The following NFE2L1 variants were observed in gnomAD, a reference collection of about 807,000 sequenced individuals.
NFE2L1 encodes endoplasmic reticulum membrane sensor NFE2L1.
In NFE2L1, 18 loss-of-function variants were observed where a neutral mutation model predicts 61.6. That is an observed-to-expected ratio of 0.29 (90% CI 0.20 to 0.43). The LOEUF is 0.43. NFE2L1 is among the 20% of genes least tolerant of loss of function. The pLI, the probability that NFE2L1 is intolerant of heterozygous loss-of-function variation, is 1.00. For missense variants in NFE2L1, 827 were observed against 973.5 expected (o/e 0.85, Z 2.00); for synonymous variants, 419 against 402.7 (o/e 1.04, Z -0.48).
At chr17:48,049,912 G>A (rs2037204391) in intron 1 of NFE2L1, among the ~76,000 whole-genome samples, 1 of 152,190 alleles carries the variant, frequency 6.6e-6, no homozygotes, top group Admixed American at 6.5e-5. Flanking sequence ...TTTTAAGACA[G>A]GAAATGGGCT....
rs774465549 is a variant in NFE2L1 at position 48,057,522 on chromosome 17, G to A, written c.972+20G>A. On this transcript the variant is annotated intron_variant, in intron 5 of 5. Coordinates refer to ENST00000362042, the MANE Select transcript of NFE2L1 (RefSeq NM_003204.3). ...ATGCAGGTAGGATTGTCGGAACCGG[G>A]CACAAACCTATTGGATTTTGCACAG... The A allele has an allele frequency of 3.7e-6, 6 of 1,603,900 alleles. No homozygotes were observed. The highest frequency in any genetic ancestry group is 5.1e-6 in the Non-Finnish European group (6 of 1,175,436).
chr17:48,058,865 T>A lies in NFE2L1; in HGVS notation c.1543T>A (p.Ser515Thr). ...TTCTTCCTCTGCTTCTTCCTCTGCCTCTTCCTCCTTTTCTGAGGAAGGTGC... is the reference window on the plus strand; with the variant it reads ...TTCTTCCTCTGCTTCTTCCTCTGCCACTTCCTCCTTTTCTGAGGAAGGTGC... ...SSSSSASSSA[S>T]SSFSEEGAVG... The change falls in exon 6 of 6, where the codon TCT (serine) becomes ACT (threonine). Residue 515 changes from serine to threonine, a missense_variant. Coordinates refer to ENST00000362042, the MANE Select transcript of NFE2L1 (RefSeq NM_003204.3). 6.2e-7 allele frequency: 1 copy of A among 1,613,816 alleles called. No individual in the cohort carries two copies. The highest frequency in any genetic ancestry group is 8.5e-7 in the Non-Finnish European group (1 of 1,180,012).
At chr17:48,050,189 G>A (rs745871637) in intron 1 of NFE2L1, among the ~76,000 whole-genome samples, 7 of 152,114 alleles carry the variant, frequency 4.6e-5, no homozygotes, top group Non-Finnish European at 7.4e-5. Flanking sequence ...CTGTAAAAGT[G>A]GCCTTTAGGC....
rs1192084871 is a variant in NFE2L1 at position 48,059,499 on chromosome 17, G to A, written c.2177G>A (p.Arg726Gln). The A allele has an allele frequency of 8.7e-6, 14 of 1,613,952 alleles. 1 individual carries two copies. Among genetic ancestry groups the A allele is most frequent in the South Asian group, 5.5e-5 (5 of 91,086 alleles). The part of the protein sequence containing the change: ...SLYQEVFGRL[R>Q]DENGRPYSPS... ...TACCAGGAGGTGTTTGGGCGGCTGC[G>A]AGATGAGAACGGACGACCCTACTCG... is the stretch of plus-strand genomic sequence containing the variant. The change falls in exon 6 of 6, where the codon CGA becomes CAA. Residue 726 changes from arginine (R) to glutamine (Q), a missense_variant. By Grantham distance (43) the Arg-to-Gln change is conservative (BLOSUM62 1). This residue lies in a region of NFE2L1 where 86 missense variants were observed against 97.3 expected (regional missense o/e 0.88). Transcript: ENST00000362042. The surrounding 1 kb of genome is among the most constrained non-coding windows in gnomAD (Gnocchi z 6.1).
Position 48,059,778 on chromosome 17 carries a change from G to A in NFE2L1, c.*137G>A. 1 of 1,320,350 alleles carries A rather than the reference G, an allele frequency of 7.6e-7. No homozygotes were observed. Among genetic ancestry groups the A allele is most frequent in the Non-Finnish European group, 1.0e-6 (1 of 996,062 alleles). The allele number at this position is 1,320,350 out of a possible 1,614,324, so 81.8% of individuals were successfully genotyped here. ...TATCTTCTCAGATGGGATGACTGCG[G>A]GTCAGTGTACAGGAAGAGGCAGGCA... is the stretch of plus-strand genomic sequence containing the variant. On this transcript the variant is annotated 3_prime_UTR_variant, in exon 6 of 6. Transcript: ENST00000362042. The surrounding 1 kb of genome is among the most constrained non-coding windows in gnomAD (Gnocchi z 6.1).
intron 1 of NFE2L1, among the ~76,000 whole-genome samples, chr17:48,050,321 A>G (rs1318807284): frequency 6.6e-6 from 1 of 152,208 alleles, no homozygotes; most frequent in Admixed American, 6.5e-5. Flanking sequence ...TCTACTAAAA[A>G]TACAAAAATT....
At position 48,057,475 on chromosome 17, in the gene NFE2L1, A is replaced by G. The variant is rs1381030133; in HGVS notation, c.945A>G (p.Gln315=). ...CATTTGATTTGGAACAGCAGTGGCA[A>G]GATCTCATGTCCATCATGGAAATGC... ...ESPFDLEQQW[Q]DLMSIMEMQA... is the part of the protein sequence containing the mutation. Residue 315 remains glutamine, a synonymous_variant, in exon 5 of 6, where the codon CAA becomes CAG. Coordinates refer to ENST00000362042, the MANE Select transcript of NFE2L1 (RefSeq NM_003204.3). The G allele has an allele frequency of 1.2e-6, 2 of 1,613,872 alleles. No individual in the cohort carries two copies. Among genetic ancestry groups the G allele is most frequent in the Admixed American group, 3.3e-5 (2 of 59,924 alleles).
At position 48,059,482 on chromosome 17, in the gene NFE2L1, G is replaced by A. The variant is rs1010304467; in HGVS notation, c.2160G>A (p.Glu720=). Residue 720 remains glutamate, a synonymous_variant, in exon 6 of 6, where the codon GAG becomes GAA. Coordinates refer to ENST00000362042, the MANE Select transcript of NFE2L1 (RefSeq NM_003204.3). This position sits in a 1 kb window ranked among gnomAD's most constrained non-coding sequence, Gnocchi z 6.1. ...AGAAGGTCCAGAGCCTGTACCAGGA[G>A]GTGTTTGGGCGGCTGCGAGATGAGA... ...MKQKVQSLYQ[E]VFGRLRDENG... 2.5e-6 allele frequency: 4 copies of A among 1,614,026 alleles called. No homozygotes were observed. Among genetic ancestry groups the A allele is most frequent in the Non-Finnish European group, 3.4e-6 (4 of 1,179,998 alleles).
rs542643018 is a variant in NFE2L1, at chr17:48,058,365, A to G, written c.1043A>G (p.Asn348Ser). The G allele has an allele frequency of 6.2e-6, 10 of 1,613,948 alleles. No homozygotes were observed. In the East Asian group the frequency reaches 1.3e-4, roughly 22 times the overall value. The change falls in exon 6 of 6, where the codon AAC becomes AGC. Residue 348 changes from asparagine to serine, a missense_variant. By Grantham distance (46) the Asn-to-Ser change is conservative (BLOSUM62 1). Coordinates refer to ENST00000362042, the MANE Select transcript of NFE2L1 (RefSeq NM_003204.3). ...CCTCCTGGAGACCCACTGAGCACCA[A>G]CTACAGCCTTGCCCCCAACACTCCC... ...SAPPGDPLSTNYSLAPNTPIN... is the reference protein window; with the variant it reads ...SAPPGDPLSTSYSLAPNTPIN...
chr17:48,050,048 T>G (rs1301874319), intron 1 of NFE2L1, among the ~76,000 whole-genome samples: 2 of 152,242 alleles, frequency 1.3e-5, no homozygotes, highest in African/African-American at 4.8e-5. Flanking sequence ...CAAGCTACAT[T>G]TTAGGATATT....
rs1242761217 is a variant in NFE2L1, at chr17:48,050,699, C to G, written c.-420C>G. ...GTAGCTCCAGCCAAAGAAAATAAACCTTAGGAGGGAGAAGGAAAAAAAAAA... is the reference window on the plus strand; with the variant it reads ...GTAGCTCCAGCCAAAGAAAATAAACGTTAGGAGGGAGAAGGAAAAAAAAAA... On this transcript the variant is annotated 5_prime_UTR_variant, in exon 2 of 6. Transcript: ENST00000362042. 1 of 454,102 alleles carries G rather than the reference C, an allele frequency of 2.2e-6. No homozygotes were observed. The highest frequency in any genetic ancestry group is 2.0e-5 in the African/African-American group (1 of 50,438). The allele number at this position is 454,102 out of a possible 1,614,324, so 28.1% of individuals were successfully genotyped here. A position where few individuals can be genotyped will look rare whatever the true frequency, so the allele number is the denominator to read the frequency against.
rs1241466115 is a variant in NFE2L1, at chr17:48,058,795, C to G, written c.1473C>G (p.Ser491Arg). ...CGAGCCATAGCCCTTCTTCCCTAAG[C>G]AGCTCTGAAGGCAGTTCTTCCTCTT... ...LDSSHSPSSL[S>R]SSEGSSSSSS... Residue 491 changes from serine (S) to arginine (R), a missense_variant, in exon 6 of 6, where the codon AGC becomes AGG. Physicochemically the swap from Ser to Arg is moderately radical, Grantham distance 110. This residue lies in a region of NFE2L1 where 667 missense variants were observed against 748.4 expected (regional missense o/e 0.89). Transcript: ENST00000362042. The G allele has an allele frequency of 1.9e-6, 3 of 1,614,068 alleles. No individual in the cohort carries two copies. The highest frequency in any genetic ancestry group is 2.5e-6 in the Non-Finnish European group (3 of 1,180,048).
Position 48,059,806 on chromosome 17 carries a change from G to A in NFE2L1, c.*165G>A. 1 of 1,076,130 alleles carries A rather than the reference G, an allele frequency of 9.3e-7. No homozygotes were observed. The highest frequency in any genetic ancestry group is 1.3e-6 in the Non-Finnish European group (1 of 780,092). The allele number at this position is 1,076,130 out of a possible 1,614,324, so 66.7% of individuals were successfully genotyped here. ...CAGTGTACAGGAAGAGGCAGGCACT[G>A]GCTGGCTCAGCTCCACTCGGGTGGA... On this transcript the variant is annotated 3_prime_UTR_variant, in exon 6 of 6. Transcript: ENST00000362042. The surrounding 1 kb of genome is among the most constrained non-coding windows in gnomAD (Gnocchi z 6.1).
At chr17:48,054,437 G>A (rs2037336171) in intron 2 of NFE2L1, 2 of 379,614 alleles carry the variant, frequency 5.3e-6, no homozygotes, top group South Asian at 1.3e-4. Flanking sequence ...GCGGTGGGAG[G>A]GGATTGGCTC....
intron 2 of NFE2L1, among the ~76,000 whole-genome samples, chr17:48,053,848 G>C (rs1359060522): frequency 6.8e-6 from 1 of 146,204 alleles, no homozygotes; most frequent in Non-Finnish European, 1.6e-5. Context: ...TGAAAGGGGA[G>C]GGGGGACATT....
At chr17:48,056,190 G>T in intron 2 of NFE2L1, 196 bp from the exon 3 acceptor site, 1 of 657,178 alleles carries the variant, frequency 1.5e-6, no homozygotes, top group Non-Finnish European at 2.7e-6. Flanking sequence ...TTTTTTGTGG[G>T]AAGGGGATAG....
At position 48,059,597 on chromosome 17, in the gene NFE2L1, C is replaced by A; in HGVS notation, c.2275C>A (p.Gln759Lys). 6.3e-7 allele frequency: 1 copy of A among 1,584,066 alleles called. No individual in the cohort carries two copies. The highest frequency in any genetic ancestry group is 1.1e-5 in the South Asian group (1 of 87,812). Residue 759 changes from glutamine to lysine, a missense_variant, in exon 6 of 6, where the codon CAG (glutamine) becomes AAG (lysine). Around this residue, in one of 3 missense-constraint regions of NFE2L1, gnomAD observed 86 missense variants for 97.3 expected, o/e 0.88. Transcript: ENST00000362042. This position sits in a 1 kb window ranked among gnomAD's most constrained non-coding sequence, Gnocchi z 6.1. ...CATCCCCCGCACGATGGCCGACCAG[C>A]AGGCCCGGCGGCAGGAGAGGAAGCC... ...LLIPRTMADQ[Q>K]ARRQERKPKD...
At position 48,051,105 on chromosome 17, in the gene NFE2L1, C is replaced by G; in HGVS notation, c.-14C>G. ...TTAAAAACCAAAAAGCATAAACATT[C>G]TGGTCCTTCAGCAATGCTTTCTCTG... On this transcript the variant is annotated 5_prime_UTR_variant, in exon 2 of 6. Transcript: ENST00000362042. The G allele has an allele frequency of 1.2e-6, 2 of 1,614,130 alleles. No homozygotes were observed. The highest frequency in any genetic ancestry group is 1.7e-6 in the Non-Finnish European group (2 of 1,179,992).
intron 1 of NFE2L1, 71 bp from the exon 2 acceptor site, chr17:48,050,536 G>A (rs932720800): frequency 5.0e-6 from 2 of 402,248 alleles, no homozygotes; most frequent in African/African-American, 4.1e-5. Flanking sequence ...TACTGTGAAG[G>A]TTTTCCTACC....
Sources: allele counts gnomAD v4.1 joint callset (sites outside exome capture counted in the v4.1 genomes callset), GRCh38; gene constraint gnomAD v4.1.1; regional missense constraint gnomAD v4.1.1; non-coding constraint Gnocchi (gnomAD v3.1); transcripts MANE v1.5; gene names NCBI Gene and HGNC (gene_info 2026-07-23, HGNC 2026-07-21).